The following LOXHD1 variants were observed in gnomAD, a reference collection of about 807,000 sequenced individuals.
LOXHD1 encodes lipoxygenase homology PLAT domains 1.
A neutral mutation model predicts 248.2 loss-of-function variants in LOXHD1; 205 were observed. The observed-to-expected ratio is 0.83, with a 90% confidence interval of 0.74 to 0.93. The LOEUF (loss-of-function observed/expected upper bound fraction) is 0.93, where lower values mean the gene tolerates loss of function less well. LOXHD1 is among the 40% of genes least tolerant of loss of function. The pLI, the probability that LOXHD1 is intolerant of heterozygous loss-of-function variation, is 0.00. For synonymous variants in LOXHD1, 1,113 were observed against 1,162.8 expected (o/e 0.96, Z 0.87); for missense variants, 2,930 against 2,971.6 (o/e 0.99, Z 0.33).
intron 3 of LOXHD1, 52 bp from the exon 4 acceptor site, chr18:46,639,852 C>G: frequency 1.3e-6 from 2 of 1,541,744 alleles, no homozygotes; most frequent in Non-Finnish European, 1.8e-6. Context: ...GAAACAGCAC[C>G]CCTTCCATAC....
At chr18:46,479,776 A>AC (rs55797431) in intron 40 of LOXHD1, among the ~76,000 whole-genome samples, 12 of 143,972 alleles carry the variant, frequency 8.3e-5, no homozygotes, top group African/African-American at 1.7e-4. Flanking sequence ...AAAAAAAAAA[A>AC]CAAAAAAAAA....
intron 29 of LOXHD1, among the ~76,000 whole-genome samples, chr18:46,526,932 G>T (rs549961546): frequency 6.6e-5 from 10 of 152,314 alleles, no homozygotes; most frequent in Admixed American, 3.3e-4. Context: ...TGTCCAAGAT[G>T]ACTTCCATAT....
At chr18:46,615,228 G>A (rs909172456) in intron 5 of LOXHD1, among the ~76,000 whole-genome samples, 3 of 152,190 alleles carry the variant, frequency 2.0e-5, no homozygotes, top group Admixed American at 1.3e-4. Context: ...CCCAGCCCCA[G>A]GAAAGAGGCT....
At chr18:46,644,088 T>C (rs545592369) in intron 2 of LOXHD1, among the ~76,000 whole-genome samples, 4 of 152,324 alleles carry the variant, frequency 2.6e-5, no homozygotes, top group African/African-American at 9.6e-5. Flanking sequence ...ACACATATTG[T>C]TTCTGTAATT....
At chr18:46,610,495 C>A (rs1030761055) in intron 6 of LOXHD1, among the ~76,000 whole-genome samples, 1 of 151,802 alleles carries the variant, frequency 6.6e-6, no homozygotes, top group Admixed American at 6.6e-5. Context: ...CACATGTATA[C>A]CTATGTAAAA....
At chr18:46,495,806 G>A (rs932949948) in intron 37 of LOXHD1, among the ~76,000 whole-genome samples, 1 of 152,096 alleles carries the variant, frequency 6.6e-6, no homozygotes. Context: ...GTGTAATTTT[G>A]TAAGAAACTG....
intron 35 of LOXHD1, 106 bp from the exon 36 acceptor site, chr18:46,507,818 G>T: frequency 8.0e-7 from 1 of 1,244,322 alleles, no homozygotes; most frequent in Non-Finnish European, 1.1e-6. Flanking sequence ...GGAGATCCCA[G>T]ACCTGAGACA....
At chr18:46,638,461 G>A (rs1407331024) in intron 4 of LOXHD1, among the ~76,000 whole-genome samples, 7 of 152,022 alleles carry the variant, frequency 4.6e-5, no homozygotes, top group South Asian at 2.1e-4. Flanking sequence ...GTGAAACCTC[G>A]TCTCTACGGT....
In LOXHD1 at chr18:46,632,552, G is replaced by A. The variant is rs566614264; in HGVS notation, c.511+7064C>T. 4.6e-5 allele frequency among the ~76,000 whole-genome samples: 7 copies of A among 152,256 alleles called. 1 individual carries two copies. The South Asian group carries it at 1.5e-3, about 32-fold the overall frequency. Reference sequence around the variant, plus strand: ...AGTTACTCTGCCCCTTGTGTTCTGAGTTACCAAGAGGGTGAGCCATTCCCG... The same window carrying A: ...AGTTACTCTGCCCCTTGTGTTCTGAATTACCAAGAGGGTGAGCCATTCCCG... On this transcript the variant is annotated intron_variant, in intron 4 of 40. Coordinates refer to ENST00000642948, the MANE Select transcript of LOXHD1 (RefSeq NM_001384474.1).
chr18:46,638,119 A>G (rs1180964702), intron 4 of LOXHD1, among the ~76,000 whole-genome samples: 1 of 152,206 alleles, frequency 6.6e-6, no homozygotes, highest in Non-Finnish European at 1.5e-5. Context: ...GCACAGAAGT[A>G]GTCATGCTGT....
rs1228249470 is a variant in LOXHD1, at chr18:46,541,959, C to T, written c.3749-19G>A. 6.5e-7 allele frequency: 1 copy of T among 1,544,450 alleles called. No homozygotes were observed. The highest frequency in any genetic ancestry group is 8.7e-7 in the Non-Finnish European group (1 of 1,142,906). On this transcript the variant is annotated intron_variant, in intron 24 of 40. Coordinates refer to ENST00000642948, the MANE Select transcript of LOXHD1 (RefSeq NM_001384474.1). ...GCCTTGCCTAGAGAGAGAGGAGACA[C>T]AAAACCCATCAAGGACCTGAGCAGA...
intron 2 of LOXHD1, among the ~76,000 whole-genome samples, chr18:46,648,934 G>T (rs796948829): frequency 2.0e-5 from 3 of 152,352 alleles, no homozygotes; most frequent in African/African-American, 7.2e-5. Flanking sequence ...GAGATCCATA[G>T]GAGGCATTAC....
intron 17 of LOXHD1, among the ~76,000 whole-genome samples, chr18:46,565,201 C>T (rs149248196): frequency 0.019 from 2,908 of 151,690 alleles, 106 homozygotes; most frequent in African/African-American, 0.066. Flanking sequence ...GAGGAGGTTG[C>T]AGTGAGCTGA....
chr18:46,537,996 G>A (rs2036388381), intron 26 of LOXHD1, among the ~76,000 whole-genome samples, 160 bp downstream of exon 26: 1 of 152,164 alleles, frequency 6.6e-6, no homozygotes, highest in Non-Finnish European at 1.5e-5. Context: ...CTGGTTGCTT[G>A]GATGTACTGA....
chr18:46,525,605 G>A (rs2035793564), intron 29 of LOXHD1, among the ~76,000 whole-genome samples: 1 of 152,152 alleles, frequency 6.6e-6, no homozygotes, highest in Non-Finnish European at 1.5e-5. Flanking sequence ...ACTCTTGTGT[G>A]CTGATTCTTT....
At chr18:46,500,206 T>G (rs1413637538) in intron 37 of LOXHD1, among the ~76,000 whole-genome samples, 3 of 152,160 alleles carry the variant, frequency 2.0e-5, no homozygotes, top group Non-Finnish European at 4.4e-5. Context: ...CTCCATAGAC[T>G]CTGTTATTCA....
chr18:46,527,014 G>A (rs1310003540), intron 29 of LOXHD1, among the ~76,000 whole-genome samples: 1 of 152,066 alleles, frequency 6.6e-6, no homozygotes, highest in African/African-American at 2.4e-5. Context: ...GTTAGTAACT[G>A]AGCCAGAAGT....
At chr18:46,508,969 C>A (rs969612656) in intron 35 of LOXHD1, among the ~76,000 whole-genome samples, 1 of 152,140 alleles carries the variant, frequency 6.6e-6, no homozygotes, top group South Asian at 2.1e-4. Flanking sequence ...AGCCGCACAG[C>A]TGGGGAAGGT....
At chr18:46,627,188 T>G (rs2038754508) in intron 4 of LOXHD1, among the ~76,000 whole-genome samples, 1 of 152,220 alleles carries the variant, frequency 6.6e-6, no homozygotes, top group African/African-American at 2.4e-5. Flanking sequence ...AACCTCAAGC[T>G]GGCTTTGTCA....
Sources: allele counts gnomAD v4.1 joint callset (sites outside exome capture counted in the v4.1 genomes callset), GRCh38; gene constraint gnomAD v4.1.1; transcripts MANE v1.5; gene names NCBI Gene and HGNC (gene_info 2026-07-23, HGNC 2026-07-21).